The following DOCK2 variants were observed in gnomAD, a reference collection of about 807,000 sequenced individuals.
DOCK2 encodes the protein dedicator of cytokinesis 2.
Under a neutral mutation model 248.9 loss-of-function variants are expected in DOCK2, and 87 were observed. That is an observed-to-expected ratio of 0.35 (90% CI 0.29 to 0.42). The LOEUF is 0.42. DOCK2 is among the 10% of genes least tolerant of loss of function. The pLI is 1.00. For synonymous variants in DOCK2, 805 were observed against 821.6 expected (o/e 0.98, Z 0.35); for missense variants, 1,747 against 2,300.2 (o/e 0.76, Z 4.92).
chr5:169,840,816 G>C lies in DOCK2; in HGVS notation c.2763G>C (p.Arg921=). 6.2e-7 allele frequency: 1 copy of C among 1,614,006 alleles called. No individual in the cohort carries two copies. The highest frequency in any genetic ancestry group is 8.5e-7 in the Non-Finnish European group (1 of 1,179,970). ...TCCAGCTGCTGCGGACAGTGAACCG[G>C]ACAGTCATCACCATGGGCCGGGATC... ...IMVQLLRTVN[R]TVITMGRDHI... is the part of the protein sequence containing the mutation. Residue 921 remains arginine, a synonymous_variant, in exon 27 of 52, where the codon CGG becomes CGC. Transcript: ENST00000520908.
chr5:169,730,465 T>C (rs1423883237), intron 22 of DOCK2, among the ~76,000 whole-genome samples: 1 of 152,142 alleles, frequency 6.6e-6, no homozygotes, highest in Non-Finnish European at 1.5e-5. Context: ...GAGGCTACCA[T>C]GCAGGGATTA....
intron 28 of DOCK2, among the ~76,000 whole-genome samples, chr5:169,984,232 A>C (rs551693546): frequency 6.6e-6 from 1 of 152,246 alleles, no homozygotes; most frequent in East Asian, 1.9e-4. Context: ...ATACCACACT[A>C]TCTCCTCATT....
chr5:169,744,773 G>T (rs1436873421), intron 22 of DOCK2, among the ~76,000 whole-genome samples: 1 of 152,148 alleles, frequency 6.6e-6, no homozygotes, highest in Non-Finnish European at 1.5e-5. Flanking sequence ...ACAAATTCCA[G>T]AAGGAGAACT....
intron 47 of DOCK2, 125 bp downstream of exon 47, chr5:170,076,209 G>A: frequency 7.3e-7 from 1 of 1,378,328 alleles, no homozygotes. Context: ...GATAATGATG[G>A]CCAGCATTGC....
chr5:169,748,421 T>A (rs1053101543), intron 23 of DOCK2, among the ~76,000 whole-genome samples: 3 of 152,160 alleles, frequency 2.0e-5, no homozygotes, highest in African/African-American at 7.2e-5. Flanking sequence ...CTTTCTAATT[T>A]AATTGGTATG....
chr5:169,827,657 A>C (rs930222752), intron 26 of DOCK2, among the ~76,000 whole-genome samples: 1 of 152,170 alleles, frequency 6.6e-6, no homozygotes, highest in Non-Finnish European at 1.5e-5. Context: ...CAGAAACTAT[A>C]GATCGGAATT....
chr5:169,690,469 C>T (rs1760231517), intron 9 of DOCK2, among the ~76,000 whole-genome samples: 1 of 152,078 alleles, frequency 6.6e-6, no homozygotes, highest in Admixed American at 6.6e-5. Context: ...GTTGTGATTA[C>T]ATTGAGGAAT....
chr5:170,054,600 G>T (rs1049827845), intron 41 of DOCK2, among the ~76,000 whole-genome samples: 1 of 152,214 alleles, frequency 6.6e-6, no homozygotes, highest in Non-Finnish European at 1.5e-5. Flanking sequence ...CAAATTTTCA[G>T]AGTTGGGGTG....
At chr5:169,670,920 G>T (rs924548649) in intron 4 of DOCK2, among the ~76,000 whole-genome samples, 158 bp from the exon 5 acceptor site, 1 of 152,166 alleles carries the variant, frequency 6.6e-6, no homozygotes, top group Non-Finnish European at 1.5e-5. Flanking sequence ...CAAGTCCCTT[G>T]TATTTGCATA....
chr5:169,952,033 A>G (rs1004760260), intron 27 of DOCK2, among the ~76,000 whole-genome samples: 1 of 152,206 alleles, frequency 6.6e-6, no homozygotes, highest in East Asian at 1.9e-4. Flanking sequence ...TATTCTCACA[A>G]CATGTGAAAG....
At chr5:169,774,628 T>C (rs185874597) in intron 25 of DOCK2, among the ~76,000 whole-genome samples, 15 of 152,296 alleles carry the variant, frequency 9.8e-5, no homozygotes, top group Non-Finnish European at 1.6e-4. Flanking sequence ...TCTCTTTAAA[T>C]TTGAGCTCAC....
intron 25 of DOCK2, among the ~76,000 whole-genome samples, chr5:169,794,483 T>C (rs1348077027): frequency 1.3e-5 from 2 of 152,180 alleles, no homozygotes; most frequent in African/African-American, 4.8e-5. Context: ...GAGTATTGAC[T>C]ATGTGTGTAT....
intron 26 of DOCK2, among the ~76,000 whole-genome samples, chr5:169,829,474 C>T (rs1310370450): frequency 6.6e-6 from 1 of 152,142 alleles, no homozygotes; most frequent in African/African-American, 2.4e-5. Context: ...GCAAATAGCT[C>T]ATGTACCCCC....
At chr5:170,074,865 G>T (rs149745356) in intron 46 of DOCK2, among the ~76,000 whole-genome samples, 105 of 152,180 alleles carry the variant, frequency 6.9e-4, no homozygotes, top group African/African-American at 2.4e-3. Flanking sequence ...CAGCTCACCC[G>T]CCTTCTCTGT....
intron 27 of DOCK2, among the ~76,000 whole-genome samples, chr5:169,964,366 G>A (rs1777213871): frequency 6.6e-6 from 1 of 152,112 alleles, no homozygotes; most frequent in Admixed American, 6.5e-5. Context: ...TGTTGCCTTG[G>A]CCTGTCATTG....
intron 22 of DOCK2, among the ~76,000 whole-genome samples, chr5:169,722,225 A>C (rs769216196): frequency 6.6e-6 from 1 of 152,222 alleles, no homozygotes; most frequent in African/African-American, 2.4e-5. Flanking sequence ...AAGCTCAGAC[A>C]ACCAGCTGTG....
At chr5:169,828,180 T>C (rs1768994419) in intron 26 of DOCK2, among the ~76,000 whole-genome samples, 1 of 152,218 alleles carries the variant, frequency 6.6e-6, no homozygotes, top group African/African-American at 2.4e-5. Context: ...ACTCCTTAGA[T>C]CTACTGGTCT....
Position 169,700,513 on chromosome 5 carries a change from T to C in DOCK2, c.1258+374T>C, listed in dbSNP as rs142837584. On this transcript the variant is annotated intron_variant, in intron 13 of 51. Coordinates refer to ENST00000520908, the MANE Select transcript of DOCK2 (RefSeq NM_004946.3). ...ACTCTTTCTGGGAGAATATTGTCAT[T>C]CTCTTATATTTTTAAGCTTTTTTTT... Among the ~76,000 whole-genome samples the C allele has an allele frequency of 1.4e-3, 212 of 146,228 alleles. 1 individual carries two copies. The highest frequency in any genetic ancestry group is 5.4e-3 in the African/African-American group (202 of 37,580).
At chr5:169,776,163 A>G (rs1431342252) in intron 25 of DOCK2, among the ~76,000 whole-genome samples, 1 of 143,034 alleles carries the variant, frequency 7.0e-6, no homozygotes, top group African/African-American at 2.7e-5. Context: ...ATAAATATAT[A>G]TATTTATATA....
Sources: gnomAD v4.1 joint callset for allele counts (sites outside exome capture counted in the v4.1 genomes callset) on GRCh38, gnomAD v4.1.1 for gene constraint, MANE v1.5 for transcripts, NCBI Gene and HGNC (gene_info 2026-07-23, HGNC 2026-07-21) for gene names.